ASRGL1: variants seen among roughly 807,000 people sequenced by gnomAD.
ASRGL1 encodes the protein asparaginase and isoaspartyl peptidase 1.
Under a neutral mutation model 22.4 loss-of-function variants are expected in ASRGL1, and 16 were observed. That is an observed-to-expected ratio of 0.71 (90% CI 0.48 to 1.08). The LOEUF (loss-of-function observed/expected upper bound fraction) is 1.08, where lower values mean the gene tolerates loss of function less well. ASRGL1 is among the 50% of genes least tolerant of loss of function. The probability of loss-of-function intolerance (pLI) is 0.00; values close to 1 mark genes in which losing one functional copy is unlikely to be tolerated. For missense variants in ASRGL1, 412 were observed against 410.1 expected (o/e 1.00, Z -0.04); for synonymous variants, 165 against 159.3 (o/e 1.04, Z -0.27).
At chr11:62,343,677 A>C (rs1323731800) in intron 2 of ASRGL1, among the ~76,000 whole-genome samples, 4 of 148,814 alleles carry the variant, frequency 2.7e-5, no homozygotes, top group Non-Finnish European at 4.5e-5. Flanking sequence ...GTAGTGAGCC[A>C]AGATGGCGCC....
At chr11:62,379,747 G>A (rs1158527757) in intron 4 of ASRGL1, among the ~76,000 whole-genome samples, 2 of 152,144 alleles carry the variant, frequency 1.3e-5, no homozygotes, top group Admixed American at 6.5e-5. Context: ...TTGTATTGTG[G>A]TAACTGGCTC....
chr11:62,387,622 C>G (rs1947246098), intron 4 of ASRGL1, among the ~76,000 whole-genome samples: 2 of 152,206 alleles, frequency 1.3e-5, no homozygotes, highest in African/African-American at 4.8e-5. Flanking sequence ...CATGATTGCC[C>G]CTCTGTCCTG....
chr11:62,364,593 A>G (rs755820843), intron 4 of ASRGL1, among the ~76,000 whole-genome samples: 1 of 152,222 alleles, frequency 6.6e-6, no homozygotes, highest in Non-Finnish European at 1.5e-5. Flanking sequence ...TGAAACAACT[A>G]CAGTGTCTGT....
At chr11:62,397,364 AAAC>A (rs914298406), downstream of ASRGL1, among the ~76,000 whole-genome samples, 21 of 152,038 alleles carry the variant, frequency 1.4e-4, no homozygotes, top group Non-Finnish European at 2.9e-4. Flanking sequence ...TGTGAGAAAA[AAAC>A]AACAAAAAAT....
the ASRGL1 span, among the ~76,000 whole-genome samples, chr11:62,401,041 G>A: frequency 1.3e-5 from 2 of 152,274 alleles, no homozygotes; most frequent in South Asian, 2.1e-4. Flanking sequence ...TGAGCCCCTC[G>A]GCCTGGGAAA....
At chr11:62,385,783 G>A (rs1469621495) in intron 4 of ASRGL1, among the ~76,000 whole-genome samples, 1 of 152,170 alleles carries the variant, frequency 6.6e-6, no homozygotes, top group Admixed American at 6.5e-5. Context: ...AGAATCACTT[G>A]TACCCAGTAG....
In ASRGL1 at chr11:62,356,315, T is replaced by G; in HGVS notation, c.191-10T>G. 1 of 1,611,836 alleles carries G rather than the reference T, an allele frequency of 6.2e-7. No individual in the cohort carries two copies. Among genetic ancestry groups the G allele is most frequent in the African/African-American group, 1.3e-5 (1 of 74,872 alleles). ...TTAATTCTTGCTTTTCAACTTCTTT[T>G]TGGTTTTAGGTTGTGGGTCTGTCTT... On this transcript the variant is annotated splice_polypyrimidine_tract_variant and intron_variant, in intron 2 of 6. Transcript: ENST00000415229.
At chr11:62,368,790 G>T (rs971507540) in intron 4 of ASRGL1, among the ~76,000 whole-genome samples, 1 of 152,142 alleles carries the variant, frequency 6.6e-6, no homozygotes, top group Non-Finnish European at 1.5e-5. Flanking sequence ...TTAAGAAAAG[G>T]TGCTGTGCCT....
At chr11:62,348,769 C>T (rs1054886140) in intron 2 of ASRGL1, among the ~76,000 whole-genome samples, 23 of 151,636 alleles carry the variant, frequency 1.5e-4, no homozygotes, top group African/African-American at 4.4e-4. Context: ...TGTTTCTGGG[C>T]GAGGCCACAG....
chr11:62,384,012 ATGTGTGTGTGTGCACGTGTGTGCG>A lies in ASRGL1; in HGVS notation c.492-5108_492-5085del, dbSNP rs1192751872. On this transcript the variant is annotated intron_variant, in intron 4 of 6. Coordinates refer to ENST00000415229, the MANE Select transcript of ASRGL1 (RefSeq NM_001083926.2). ...TTATTAAATGCATCTGTGTGTGTGC[ATGTGTGTGTGTGCACGTGTGTGCG>A]TGTGTGTGTGTGTGTGTTTGCCATT... Among the ~76,000 whole-genome samples the A allele has an allele frequency of 1.5e-4, 23 of 150,742 alleles. 1 individual carries two copies. The South Asian group carries it at 2.7e-3, about 18-fold the overall frequency.
chr11:62,338,087 T>A lies in ASRGL1; in HGVS notation c.110T>A (p.Ile37Asn). Reference protein sequence around the residue: ...MVRAATVGYGILREGGSAVDA... With the variant: ...MVRAATVGYGNLREGGSAVDA... ...AGAGCCGCCACCGTGGGCTACGGCATCCTCCGGGAGGGCGGGAGCGCCGTG... is the reference window on the plus strand; with the variant it reads ...AGAGCCGCCACCGTGGGCTACGGCAACCTCCGGGAGGGCGGGAGCGCCGTG... The change falls in exon 2 of 7, where the codon ATC becomes AAC. Residue 37 changes from isoleucine (I) to asparagine (N), a missense_variant. Transcript: ENST00000415229. 1.2e-6 allele frequency: 2 copies of A among 1,607,536 alleles called. No homozygotes were observed. The highest frequency in any genetic ancestry group is 1.7e-6 in the Non-Finnish European group (2 of 1,177,486).
chr11:62,362,655 TA>T, intron 4 of ASRGL1, among the ~76,000 whole-genome samples: 1 of 89,158 alleles, frequency 1.1e-5, no homozygotes, highest in African/African-American at 4.6e-5. Flanking sequence ...TAATATATAT[TA>T]TATAAAATAT....
At chr11:62,349,091 C>A (rs962433058) in intron 2 of ASRGL1, among the ~76,000 whole-genome samples, 1 of 152,122 alleles carries the variant, frequency 6.6e-6, no homozygotes, top group Non-Finnish European at 1.5e-5. Context: ...GCCTCAGCCT[C>A]CTGAGTCGCT....
intron 2 of ASRGL1, among the ~76,000 whole-genome samples, chr11:62,355,730 AC>A (rs1309765345): frequency 6.6e-6 from 1 of 151,968 alleles, no homozygotes; most frequent in East Asian, 1.9e-4. Flanking sequence ...AAACAAGTGA[AC>A]AAAGGTCTCT....
Position 62,337,487 on chromosome 11 carries a change from C to T in ASRGL1, c.-176C>T, listed in dbSNP as rs555854740. 3.1e-5 allele frequency: 5 copies of T among 160,470 alleles called. No individual in the cohort carries two copies. Among genetic ancestry groups the T allele is most frequent in the South Asian group, 3.3e-4 (2 of 6,086 alleles). 9.9% of individuals were successfully genotyped at this position (160,470 alleles called of 1,614,324 possible). ...GGTTGCGGGCTGAGCGGTTTCGAGC[C>T]GGCGTCGGGGAGCGGCGGTACCGGG... On this transcript the variant is annotated 5_prime_UTR_variant, in exon 1 of 7. Transcript: ENST00000415229.
chr11:62,351,605 G>A (rs1040794830), intron 2 of ASRGL1, among the ~76,000 whole-genome samples: 7 of 150,978 alleles, frequency 4.6e-5, no homozygotes, highest in Non-Finnish European at 8.8e-5. Context: ...AGTAGAGATC[G>A]TGTCACTGCA....
In ASRGL1 at chr11:62,373,186, G is replaced by C; in HGVS notation, c.492-15947G>C. 4 of 1,004,148 alleles carry C rather than the reference G, an allele frequency of 4.0e-6. No individual in the cohort carries two copies. The South Asian group carries it at 5.1e-5, about 13-fold the overall frequency. 62.2% of individuals were successfully genotyped at this position (1,004,148 alleles called of 1,614,324 possible). On this transcript the variant is annotated intron_variant, in intron 4 of 6. Transcript: ENST00000415229. ...CCCCAAACCCTCTGATGCTCCCAGA[G>C]ACTCCTCCGACTCCACACCTCTCAT...
chr11:62,386,370 G>A (rs1947200648), intron 4 of ASRGL1, among the ~76,000 whole-genome samples: 1 of 70,956 alleles, frequency 1.4e-5, no homozygotes, highest in Non-Finnish European at 4.3e-5. Flanking sequence ...TTTTACTATA[G>A]TATATTGTTA....
intron 4 of ASRGL1, among the ~76,000 whole-genome samples, chr11:62,357,458 C>T (rs375176562): frequency 2.6e-4 from 36 of 136,804 alleles, no homozygotes; most frequent in African/African-American, 1.0e-3. Flanking sequence ...GGCGGGGTTT[C>T]GCCGTGTTGG....
Sources: allele counts gnomAD v4.1 joint callset (sites outside exome capture counted in the v4.1 genomes callset), GRCh38; gene constraint gnomAD v4.1.1; transcripts MANE v1.5; gene names NCBI Gene and HGNC (gene_info 2026-07-23, HGNC 2026-07-21).